CNTN4: variants seen among roughly 807,000 people sequenced by gnomAD.
CNTN4 encodes contactin-4.
In CNTN4, 77 loss-of-function variants were observed where a neutral mutation model predicts 122.5. The observed-to-expected ratio is 0.63, with a 90% CI of 0.52 to 0.76. The LOEUF (loss-of-function observed/expected upper bound fraction) is 0.76. Ranked by LOEUF, CNTN4 falls within the 30% of genes least tolerant of loss-of-function variation. The pLI is 0.00. For synonymous variants in CNTN4, 512 were observed against 447.0 expected (o/e 1.15, Z -1.83); for missense variants, 1,256 against 1,259.1 (o/e 1.00, Z 0.04).
intron 2 of CNTN4, among the ~76,000 whole-genome samples, chr3:2,231,896 G>A (rs2039501362): frequency 6.6e-6 from 1 of 151,540 alleles, no homozygotes; most frequent in Non-Finnish European, 1.5e-5. Context: ...TAGCCTTTTA[G>A]GTATTTATTA....
At chr3:2,212,975 G>A (rs1268732420) in intron 2 of CNTN4, among the ~76,000 whole-genome samples, 2 of 151,844 alleles carry the variant, frequency 1.3e-5, no homozygotes, top group East Asian at 1.9e-4. Context: ...TGATATTAAT[G>A]TGGATTTTTT....
intron 2 of CNTN4, among the ~76,000 whole-genome samples, chr3:2,270,689 G>A (rs2041258264): frequency 1.6e-5 from 2 of 126,200 alleles, no homozygotes. Flanking sequence ...CTGGAACCAT[G>A]AGATTTGCTT....
At chr3:2,678,902 A>G (rs1516393) in intron 4 of CNTN4, among the ~76,000 whole-genome samples, 31,875 of 144,606 alleles carry the variant, frequency 0.22, 3,602 homozygotes, top group African/African-American at 0.3. Context: ...CCTTTTCTTT[A>G]CTTGGATGAT....
At chr3:2,626,532 A>G (rs774133647) in intron 4 of CNTN4, among the ~76,000 whole-genome samples, 1 of 151,972 alleles carries the variant, frequency 6.6e-6, no homozygotes, top group Non-Finnish European at 1.5e-5. Flanking sequence ...AAAATCCACA[A>G]TCTATTTTTC....
intron 3 of CNTN4, among the ~76,000 whole-genome samples, chr3:2,523,998 G>A (rs1482351821): frequency 6.6e-6 from 1 of 151,968 alleles, no homozygotes; most frequent in African/African-American, 2.4e-5. Context: ...AATAATTATG[G>A]TATAATTCTT....
chr3:2,313,465 T>C (rs1428127641), intron 2 of CNTN4, among the ~76,000 whole-genome samples: 2 of 151,968 alleles, frequency 1.3e-5, no homozygotes, highest in East Asian at 3.9e-4. Context: ...TTTAAATTAT[T>C]AACAGATAAG....
intron 8 of CNTN4, among the ~76,000 whole-genome samples, chr3:2,867,886 A>T (rs1332370180): frequency 2.0e-5 from 3 of 152,114 alleles, no homozygotes; most frequent in African/African-American, 7.2e-5. Flanking sequence ...CCTTATTCAC[A>T]GCCACCTCTG....
chr3:2,645,473 C>T (rs912241839), intron 4 of CNTN4, among the ~76,000 whole-genome samples: 7 of 152,114 alleles, frequency 4.6e-5, no homozygotes, highest in Admixed American at 6.5e-5. Flanking sequence ...GCTGTTAAAG[C>T]AAATTGGTAT....
intron 12 of CNTN4, among the ~76,000 whole-genome samples, chr3:2,924,662 C>T (rs1254435455): frequency 6.6e-6 from 1 of 152,170 alleles, no homozygotes; most frequent in African/African-American, 2.4e-5. Context: ...CTGGTGTTAG[C>T]ATGAGTGAAT....
intron 2 of CNTN4, among the ~76,000 whole-genome samples, chr3:2,189,372 A>G (rs1266346566): frequency 6.6e-6 from 1 of 152,176 alleles, no homozygotes; most frequent in East Asian, 1.9e-4. Flanking sequence ...ACCTTCAAAC[A>G]GAAGAGGCTA....
At chr3:2,430,240 G>T (rs913208269) in intron 3 of CNTN4, among the ~76,000 whole-genome samples, 1 of 151,846 alleles carries the variant, frequency 6.6e-6, no homozygotes, top group East Asian at 1.9e-4. Flanking sequence ...TGGCTAACAC[G>T]GTGAAACCCC....
At chr3:2,532,371 C>A (rs1027360464) in intron 3 of CNTN4, among the ~76,000 whole-genome samples, 1 of 152,088 alleles carries the variant, frequency 6.6e-6, no homozygotes, top group Non-Finnish European at 1.5e-5. Flanking sequence ...CCTCCTCCCT[C>A]AGCCTCCTAA....
chr3:2,157,811 TTC>T (rs1233297030), intron 2 of CNTN4, among the ~76,000 whole-genome samples: 1 of 152,234 alleles, frequency 6.6e-6, no homozygotes, highest in African/African-American at 2.4e-5. Context: ...CTTCAAAATT[TTC>T]TGTTTGGATT....
At chr3:2,160,139 A>G (rs1264471228) in intron 2 of CNTN4, among the ~76,000 whole-genome samples, 1 of 152,180 alleles carries the variant, frequency 6.6e-6, no homozygotes, top group African/African-American at 2.4e-5. Context: ...TTACTAAATT[A>G]TAATTTTAAA....
intron 14 of CNTN4, among the ~76,000 whole-genome samples, chr3:2,999,614 A>AGG (rs997821956): frequency 2.0e-5 from 3 of 152,128 alleles, no homozygotes; most frequent in African/African-American, 7.2e-5. Context: ...CTGTGTCCAG[A>AGG]GGGGAGGAAC....
intron 7 of CNTN4, among the ~76,000 whole-genome samples, chr3:2,836,480 A>G (rs186246087): frequency 6.6e-4 from 101 of 152,284 alleles, no homozygotes; most frequent in African/African-American, 2.1e-3. Context: ...AAAGTTTTAC[A>G]TATATTAACT....
intron 3 of CNTN4, among the ~76,000 whole-genome samples, chr3:2,404,771 G>A (rs1502591): frequency 0.23 from 34,215 of 151,908 alleles, 4,485 homozygotes; most frequent in Admixed American, 0.34. Context: ...TCTAGAATTC[G>A]GCCTATAACA....
chr3:2,470,692 T>C (rs1157860692), intron 3 of CNTN4, among the ~76,000 whole-genome samples: 1 of 152,190 alleles, frequency 6.6e-6, no homozygotes, highest in Admixed American at 6.5e-5. Context: ...CTCTAACCCA[T>C]AAGAACGAAT....
intron 4 of CNTN4, among the ~76,000 whole-genome samples, chr3:2,698,210 A>G (rs2086155142): frequency 6.6e-6 from 1 of 152,224 alleles, no homozygotes; most frequent in Non-Finnish European, 1.5e-5. Flanking sequence ...TAAAATCCAT[A>G]CTTTTACTAT....
Sources: gnomAD v4.1 joint callset for allele counts (sites outside exome capture counted in the v4.1 genomes callset) on GRCh38, gnomAD v4.1.1 for gene constraint, MANE v1.5 for transcripts, NCBI Gene and HGNC (gene_info 2026-07-23, HGNC 2026-07-21) for gene names.